The following ABCG1 variants were observed in gnomAD, a reference collection of about 807,000 sequenced individuals.
ABCG1 encodes the protein ATP-binding cassette sub-family G member 1.
In ABCG1, 29 loss-of-function variants were observed where a neutral mutation model predicts 69.2. The observed-to-expected ratio is 0.42, with a 90% CI of 0.31 to 0.57. The LOEUF (loss-of-function observed/expected upper bound fraction) is 0.57. ABCG1 is among the 20% of genes least tolerant of loss of function. The probability of loss-of-function intolerance (pLI) is 0.15; values close to 1 mark genes in which losing one functional copy is unlikely to be tolerated. For synonymous variants in ABCG1, 370 were observed against 374.8 expected, an observed-to-expected ratio of 0.99 and a Z score of 0.15; for missense variants, 718 against 898.1, an observed-to-expected ratio of 0.80 and a Z score of 2.56.
At chr21:42,254,188 G>A (rs1031320547) in intron 2 of ABCG1, among the ~76,000 whole-genome samples, 7 of 152,018 alleles carry the variant, frequency 4.6e-5, no homozygotes, top group African/African-American at 7.3e-5. Flanking sequence ...GGCTGTGGCC[G>A]GGTGACCATG....
chr21:42,219,246 GCCGCCGC>G lies in ABCG1; in HGVS notation c.-14_-8del. The G allele has an allele frequency of 6.5e-7, 1 of 1,533,590 alleles. No individual in the cohort carries two copies. The allele number at this position is 1,533,590 out of a possible 1,614,324, so 95.0% of individuals were successfully genotyped here. A position where few individuals can be genotyped will look rare whatever the true frequency, so the allele number is the denominator to read the frequency against. ...CCCCGCCGCCGCCGCCGCCGCCGCCGCCGCCGCCCCCGGGGCATGGCCTGTCTGATGG... is the reference window on the plus strand; with the variant it reads ...CCCCGCCGCCGCCGCCGCCGCCGCCGCCCCGGGGCATGGCCTGTCTGATGG... On this transcript the variant is annotated 5_prime_UTR_variant, in exon 1 of 15. Transcript: ENST00000398449. The surrounding 1 kb of genome is among the most constrained non-coding windows in gnomAD (Gnocchi z 5.3).
chr21:42,260,259 A>G (rs1018770634), intron 2 of ABCG1: 5 of 1,503,986 alleles, frequency 3.3e-6, no homozygotes, highest in African/African-American at 2.8e-5. Flanking sequence ...TCTAGGACCC[A>G]GCTTCCACCA....
upstream of ABCG1, among the ~76,000 whole-genome samples, chr21:42,213,834 T>G (rs1452103002): frequency 1.3e-5 from 2 of 152,256 alleles, no homozygotes; most frequent in Non-Finnish European, 2.9e-5. Context: ...GCCCTGTGCC[T>G]GCCCCATCCT....
rs1438601776 is a variant in ABCG1 at position 42,203,036 on chromosome 21, A to G, written c.48+1313A>G. Among the ~76,000 whole-genome samples, 3 of 152,220 alleles carry G rather than the reference A, an allele frequency of 2.0e-5. No individual in the cohort carries two copies. The East Asian group carries it at 5.8e-4, about 29-fold the overall frequency. ...CCCACTCAAAGATACAAAGCAAATC[A>G]GTGCAGGAAGGACAGCTTTTCCAGC... On this transcript the variant is annotated intron_variant, in intron 2 of 15. Transcript: ENST00000398457.
In ABCG1 at chr21:42,239,166, G is replaced by A. The variant is rs375596027; in HGVS notation, c.286+13252G>A. Among the ~76,000 whole-genome samples, 15 of 152,322 alleles carry A rather than the reference G, an allele frequency of 9.8e-5. No individual in the cohort carries two copies. In the East Asian group the frequency reaches 2.1e-3, roughly 22 times the overall value. ...AGAGCTCAGGAATGTGGGCTCCACA[G>A]TAAGAGAGTCTGGGTTCAGAATTGG... On this transcript the variant is annotated intron_variant, in intron 2 of 14. Transcript: ENST00000398449.
chr21:42,279,524 T>C (rs573321403), intron 5 of ABCG1, among the ~76,000 whole-genome samples: 1 of 152,310 alleles, frequency 6.6e-6, no homozygotes, highest in East Asian at 1.9e-4. Context: ...GCTTCACCTG[T>C]AACGTGGGGA....
rs1225489407 is a variant in ABCG1, at chr21:42,253,754, G to A, written c.287-17316G>A. Among the ~76,000 whole-genome samples the A allele has an allele frequency of 2.0e-5, 3 of 152,148 alleles. No individual in the cohort carries two copies. In the East Asian group the frequency reaches 5.8e-4, roughly 29 times the overall value. On this transcript the variant is annotated intron_variant, in intron 2 of 14. Coordinates refer to ENST00000398449, the MANE Select transcript of ABCG1 (RefSeq NM_016818.3). ...GGACCCTCTGTAGGACTGGGGGTGA[G>A]ATCGATGGACCTGCCAGCTGTTATT...
chr21:42,235,806 C>CTA (rs1569212537), intron 2 of ABCG1, among the ~76,000 whole-genome samples: 1 of 152,142 alleles, frequency 6.6e-6, no homozygotes, highest in Non-Finnish European at 1.5e-5. Flanking sequence ...ATGTTACAGG[C>CTA]TACGATAAGG....
intron 13 of ABCG1, among the ~76,000 whole-genome samples, chr21:42,293,329 C>T (rs2069124013): frequency 6.9e-6 from 1 of 144,650 alleles, no homozygotes; most frequent in African/African-American, 2.6e-5. Flanking sequence ...ACACACTACA[C>T]ACCACACTAC....
chr21:42,234,388 T>C (rs1216834261), intron 2 of ABCG1, among the ~76,000 whole-genome samples: 2 of 152,218 alleles, frequency 1.3e-5, no homozygotes, highest in South Asian at 2.1e-4. Flanking sequence ...AATGAGGAGC[T>C]ACAAAAGGCC....
intron 1 of ABCG1, among the ~76,000 whole-genome samples, chr21:42,222,453 T>C (rs1173753719): frequency 1.3e-5 from 2 of 152,188 alleles, no homozygotes; most frequent in Admixed American, 6.5e-5. Context: ...GATTTTCCTA[T>C]AATGGACAAG....
upstream of ABCG1, among the ~76,000 whole-genome samples, chr21:42,215,369 A>T (rs1473025742): frequency 6.6e-6 from 1 of 152,238 alleles, no homozygotes. Context: ...CAGCAGCTGG[A>T]AGTCCACAGA....
At chr21:42,249,888 C>T (rs2068191438) in intron 2 of ABCG1, among the ~76,000 whole-genome samples, 1 of 151,946 alleles carries the variant, frequency 6.6e-6, no homozygotes, top group Non-Finnish European at 1.5e-5. Context: ...GCCTGTAGTC[C>T]CAGCTACTTG....
chr21:42,226,220 T>G (rs970461658), intron 2 of ABCG1, among the ~76,000 whole-genome samples: 2 of 151,996 alleles, frequency 1.3e-5, no homozygotes, highest in African/African-American at 2.4e-5. Flanking sequence ...GCTGAGAGAG[T>G]CCTCTTTTGT....
chr21:42,291,290 A>G lies in ABCG1; in HGVS notation c.1494+98A>G. ...GGACCTGCCAGGGATGCAGGGTGAC[A>G]TGGCCCGACTTCGGGAGCTCTGGTG... On this transcript the variant is annotated intron_variant, in intron 12 of 14. Coordinates refer to ENST00000398449, the MANE Select transcript of ABCG1 (RefSeq NM_016818.3). The surrounding 1 kb of genome is among the most constrained non-coding windows in gnomAD (Gnocchi z 6.4). 8.3e-6 allele frequency: 10 copies of G among 1,202,194 alleles called. No individual in the cohort carries two copies. Among genetic ancestry groups the G allele is most frequent in the Non-Finnish European group, 1.2e-5 (10 of 833,252 alleles). The allele number at this position is 1,202,194 out of a possible 1,614,324, so 74.5% of individuals were successfully genotyped here.
At chr21:42,290,961 T>G (rs761947350) in intron 11 of ABCG1, 131 bp from the exon 12 acceptor site, 2 of 650,914 alleles carry the variant, frequency 3.1e-6, no homozygotes, top group Non-Finnish European at 5.5e-6. Flanking sequence ...ATCCTCTGTT[T>G]GTTCAATCTC....
At chr21:42,247,774 A>C (rs964716891) in intron 2 of ABCG1, among the ~76,000 whole-genome samples, 2 of 152,246 alleles carry the variant, frequency 1.3e-5, no homozygotes, top group African/African-American at 2.4e-5. Context: ...GAAGAAGAGA[A>C]GAAAAAGTCA....
rs556456586 is a variant in ABCG1, at chr21:42,222,477, C to G, written c.42+3173C>G. ...ATAATGGACAAGGGCTGAAAGATGC[C>G]GAAACACCCACAACTCACCCGTGGA... On this transcript the variant is annotated intron_variant, in intron 1 of 14. Coordinates refer to ENST00000398449, the MANE Select transcript of ABCG1 (RefSeq NM_016818.3). Among the ~76,000 whole-genome samples the G allele has an allele frequency of 2.0e-5, 3 of 152,248 alleles. No individual in the cohort carries two copies. In the East Asian group the frequency reaches 5.8e-4, roughly 29 times the overall value.
chr21:42,225,224 A>G (rs2067796265), intron 1 of ABCG1, among the ~76,000 whole-genome samples: 1 of 152,186 alleles, frequency 6.6e-6, no homozygotes, highest in African/African-American at 2.4e-5. Context: ...CATTTTTATG[A>G]GATTACGCGA....
Sources: allele counts gnomAD v4.1 joint callset (sites outside exome capture counted in the v4.1 genomes callset), GRCh38; gene constraint gnomAD v4.1.1; non-coding constraint Gnocchi (gnomAD v3.1); transcripts MANE v1.5; gene names NCBI Gene and HGNC (gene_info 2026-07-23, HGNC 2026-07-21).